Variants in NGEF observed in about 807,000 individuals in gnomAD.
The protein encoded by NGEF is neuronal guanine nucleotide exchange factor.
Under a neutral mutation model 80.9 loss-of-function variants are expected in NGEF, and 31 were observed. The ratio of observed to expected loss-of-function variants is 0.38; its 90% CI spans 0.29 to 0.52. The LOEUF (loss-of-function observed/expected upper bound fraction) is 0.52. Ranked by LOEUF, NGEF falls within the 20% of genes least tolerant of loss-of-function variation. The pLI is 0.84. For synonymous variants in NGEF, 371 were observed against 370.2 expected, an observed-to-expected ratio of 1.00 and a Z score of -0.03; for missense variants, 709 against 926.2, an observed-to-expected ratio of 0.77 and a Z score of 3.04.
chr2:232,977,348 T>C (rs74614125), intron 1 of NGEF, among the ~76,000 whole-genome samples: 1,586 of 152,230 alleles, frequency 0.01, 18 homozygotes, highest in Admixed American at 0.021. Flanking sequence ...GAGACAATGA[T>C]GGCCTTGAGC....
intron 3 of NGEF, among the ~76,000 whole-genome samples, chr2:232,930,583 C>T (rs748742189): frequency 4.6e-5 from 7 of 152,104 alleles, no homozygotes; most frequent in Admixed American, 3.3e-4. Flanking sequence ...CCTTGTGATC[C>T]ACCTGCCTTG....
chr2:232,968,356 G>A (rs540589246), intron 3 of NGEF, among the ~76,000 whole-genome samples: 15 of 151,940 alleles, frequency 9.9e-5, no homozygotes, highest in African/African-American at 3.1e-4. Flanking sequence ...CCAAAGTGCC[G>A]GGATTACAGG....
intron 4 of NGEF, among the ~76,000 whole-genome samples, chr2:232,926,402 T>C (rs1693068520): frequency 6.6e-6 from 1 of 152,020 alleles, no homozygotes; most frequent in African/African-American, 2.4e-5. Context: ...ATTTTCCCTA[T>C]TCACAGTGCT....
At chr2:232,946,530 G>A (rs569597574) in intron 3 of NGEF, among the ~76,000 whole-genome samples, 87 of 152,282 alleles carry the variant, frequency 5.7e-4, no homozygotes, top group African/African-American at 1.8e-3. Flanking sequence ...GAACTCACAC[G>A]CACACATACA....
intron 2 of NGEF, among the ~76,000 whole-genome samples, chr2:232,971,357 T>C (rs1160773867): frequency 6.6e-6 from 1 of 152,070 alleles, no homozygotes; most frequent in African/African-American, 2.4e-5. Context: ...AAGAATTCGC[T>C]CCAAGGAGGT....
intron 3 of NGEF, among the ~76,000 whole-genome samples, chr2:232,939,262 A>G (rs796966876): frequency 6.6e-6 from 1 of 152,008 alleles, no homozygotes; most frequent in South Asian, 2.1e-4. Context: ...TTCATCTTAA[A>G]TCACCTCATA....
chr2:232,906,047 G>C (rs1298128934), intron 5 of NGEF, among the ~76,000 whole-genome samples: 2 of 133,444 alleles, frequency 1.5e-5, no homozygotes, highest in East Asian at 2.4e-4. Context: ...CGCCCGGCCA[G>C]CCGCCCCGTC....
intron 12 of NGEF, among the ~76,000 whole-genome samples, chr2:232,882,950 C>T (rs377300651): frequency 6.6e-6 from 1 of 152,234 alleles, no homozygotes; most frequent in East Asian, 1.9e-4. Flanking sequence ...CAAGTGGCAG[C>T]AGGGAGCAGG....
chr2:232,978,263 T>C (rs1694338095), intron 1 of NGEF, among the ~76,000 whole-genome samples: 1 of 151,958 alleles, frequency 6.6e-6, no homozygotes, highest in Admixed American at 6.6e-5. Context: ...CTCACGTCTG[T>C]AATCCCAGCA....
At chr2:233,000,386 C>T (rs945542205) in intron 1 of NGEF, among the ~76,000 whole-genome samples, 3 of 152,062 alleles carry the variant, frequency 2.0e-5, no homozygotes, top group South Asian at 2.1e-4. Context: ...TGTGAGCCAC[C>T]GTGCCCAGCC....
intron 5 of NGEF, among the ~76,000 whole-genome samples, chr2:232,913,376 G>A (rs1692728946): frequency 6.6e-6 from 1 of 152,166 alleles, no homozygotes; most frequent in African/African-American, 2.4e-5. Context: ...TCTTTTCAGT[G>A]TGTTAAGGAG....
intron 3 of NGEF, among the ~76,000 whole-genome samples, chr2:232,930,869 AC>A (rs1693202761): frequency 6.6e-6 from 1 of 152,128 alleles, no homozygotes; most frequent in Admixed American, 6.5e-5. Flanking sequence ...CATCTTAACA[AC>A]CCAAAAGTTT....
At chr2:232,945,468 T>TACACAGACACAG (rs71296809) in intron 3 of NGEF, among the ~76,000 whole-genome samples, 6,394 of 150,306 alleles carry the variant, frequency 0.043, 445 homozygotes, top group African/African-American at 0.14. Context: ...GAAATTTGGA[T>TACACAGACACAG]ACACAGACAC....
intron 1 of NGEF, among the ~76,000 whole-genome samples, chr2:232,987,950 G>C (rs1316536689): frequency 6.6e-6 from 1 of 152,062 alleles, no homozygotes; most frequent in Non-Finnish European, 1.5e-5. Context: ...AGCAATAGGA[G>C]ACCCAAGCTG....
chr2:232,883,909 C>T, intron 11 of NGEF, 72 bp downstream of exon 11: 2 of 1,459,508 alleles, frequency 1.4e-6, no homozygotes, highest in Non-Finnish European at 1.8e-6. Context: ...AACCCCCAGG[C>T]CACAATCAAA....
intron 3 of NGEF, among the ~76,000 whole-genome samples, chr2:232,959,281 TC>T (rs1043623496): frequency 4.8e-5 from 7 of 144,400 alleles, no homozygotes; most frequent in Non-Finnish European, 7.7e-5. Flanking sequence ...CCCCGGTGTT[TC>T]CTGTAAATTC....
intron 2 of NGEF, among the ~76,000 whole-genome samples, chr2:232,971,032 A>AAAT (rs1694173571): frequency 6.6e-6 from 1 of 152,088 alleles, no homozygotes; most frequent in Non-Finnish European, 1.5e-5. Context: ...AATCAATATG[A>AAAT]AATAATAAGT....
intron 12 of NGEF, 109 bp from the exon 13 acceptor site, chr2:232,882,374 T>C: frequency 1.0e-6 from 1 of 992,296 alleles, no homozygotes; most frequent in Non-Finnish European, 1.5e-6. Flanking sequence ...TCCACCATCC[T>C]GAGCACCGCT....
At chr2:232,917,887 C>T (rs1692844039) in intron 5 of NGEF, among the ~76,000 whole-genome samples, 1 of 152,122 alleles carries the variant, frequency 6.6e-6, no homozygotes, top group South Asian at 2.1e-4. Flanking sequence ...GATTCTCCTG[C>T]CTCAGCCTCC....
Sources: gnomAD v4.1 joint callset for allele counts (sites outside exome capture counted in the v4.1 genomes callset) on GRCh38, gnomAD v4.1.1 for gene constraint, MANE v1.5 for transcripts, NCBI Gene and HGNC (gene_info 2026-07-23, HGNC 2026-07-21) for gene names.